SUPT3H: variants seen among roughly 807,000 people sequenced by gnomAD.
The protein encoded by SUPT3H is SPT3 homolog, SAGA and STAGA complex component, also known as transcription initiation protein SPT3 homolog.
A neutral mutation model predicts 44.3 loss-of-function variants in SUPT3H; 44 were observed. That is an observed-to-expected ratio of 0.99 (90% CI 0.78 to 1.28). SUPT3H has a LOEUF of 1.28. Ranked by LOEUF, SUPT3H falls within the 50% of genes most tolerant of loss-of-function variation. The probability of loss-of-function intolerance (pLI) is 0.00; values close to 1 mark genes in which losing one functional copy is unlikely to be tolerated. For missense variants in SUPT3H, 380 were observed against 387.1 expected (o/e 0.98, Z 0.15); for synonymous variants, 124 against 125.6 (o/e 0.99, Z 0.09).
intron 2 of SUPT3H, among the ~76,000 whole-genome samples, chr6:45,238,213 A>G (rs1482119761): frequency 1.3e-5 from 2 of 152,206 alleles, no homozygotes; most frequent in Non-Finnish European, 2.9e-5. Context: ...TACTACTCCA[A>G]TGTTATGATC....
intron 2 of SUPT3H, among the ~76,000 whole-genome samples, chr6:45,357,512 A>T (rs1793460606): frequency 6.6e-6 from 1 of 151,856 alleles, no homozygotes; most frequent in African/African-American, 2.4e-5. Context: ...TTCTGTAGAG[A>T]CAGCGTCTCA....
chr6:45,197,128 C>A (rs777859629), intron 2 of SUPT3H, among the ~76,000 whole-genome samples: 3 of 151,524 alleles, frequency 2.0e-5, no homozygotes, highest in Non-Finnish European at 3.0e-5. Flanking sequence ...ATTAAAATTG[C>A]TACTACATAT....
chr6:44,928,570 C>T (rs1048156843), intron 10 of SUPT3H, among the ~76,000 whole-genome samples: 65 of 151,978 alleles, frequency 4.3e-4, no homozygotes, highest in African/African-American at 1.4e-3. Context: ...CTCTTATCTT[C>T]TGTGTAGGAT....
intron 2 of SUPT3H, among the ~76,000 whole-genome samples, chr6:45,283,697 G>A (rs766488177): frequency 5.9e-5 from 9 of 151,318 alleles, no homozygotes; most frequent in Non-Finnish European, 1.3e-4. Flanking sequence ...AGTTAACAAG[G>A]ATACCCAGGA....
intron 2 of SUPT3H, among the ~76,000 whole-genome samples, chr6:45,128,533 A>AAAAT (rs1554257896): frequency 9.6e-5 from 5 of 52,242 alleles, no homozygotes; most frequent in Non-Finnish European, 1.7e-4. Flanking sequence ...AAAAAAAAAA[A>AAAAT]ATATATATAT....
chr6:44,956,673 T>C (rs904534994), intron 7 of SUPT3H, among the ~76,000 whole-genome samples: 3 of 152,108 alleles, frequency 2.0e-5, no homozygotes, highest in Non-Finnish European at 4.4e-5. Flanking sequence ...AAGCAGCCTT[T>C]AAGATATTTC....
chr6:44,881,434 T>G (rs192994119), intron 10 of SUPT3H, among the ~76,000 whole-genome samples: 52 of 152,248 alleles, frequency 3.4e-4, no homozygotes, highest in Admixed American at 2.9e-3. Context: ...CACACAATAA[T>G]AGTGGGAGAC....
At position 45,213,614 on chromosome 6, in the gene SUPT3H, C is replaced by T. The variant is rs1458765709; in HGVS notation, c.102-107608G>A. Among the ~76,000 whole-genome samples, 3 of 152,124 alleles carry T rather than the reference C, an allele frequency of 2.0e-5. No homozygotes were observed. The East Asian group carries it at 5.8e-4, about 29-fold the overall frequency. On this transcript the variant is annotated intron_variant, in intron 2 of 10. Coordinates refer to ENST00000371459, the MANE Select transcript of SUPT3H (RefSeq NM_003599.4). ...CATAAATCAATTAGGTAATATTAATCATAAGTGACCAATTCTGCTGAAACA... is the reference window on the plus strand; with the variant it reads ...CATAAATCAATTAGGTAATATTAATTATAAGTGACCAATTCTGCTGAAACA...
At chr6:44,924,888 C>T (rs1407657180) in intron 10 of SUPT3H, among the ~76,000 whole-genome samples, 1 of 151,996 alleles carries the variant, frequency 6.6e-6, no homozygotes, top group African/African-American at 2.4e-5. Context: ...CCAATTTCTA[C>T]TTGGTATTTA....
At chr6:44,943,328 A>G (rs1772773001) in intron 9 of SUPT3H, among the ~76,000 whole-genome samples, 1 of 152,132 alleles carries the variant, frequency 6.6e-6, no homozygotes, top group African/African-American at 2.4e-5. Context: ...TCCAATCTGA[A>G]GAACAGAGAG....
intron 2 of SUPT3H, among the ~76,000 whole-genome samples, chr6:45,222,803 T>C (rs1385176739): frequency 6.6e-6 from 1 of 152,106 alleles, no homozygotes; most frequent in Non-Finnish European, 1.5e-5. Flanking sequence ...CAGATGTCCT[T>C]CAATGGGTGA....
At chr6:45,126,724 C>T (rs1404284178) in intron 2 of SUPT3H, among the ~76,000 whole-genome samples, 1 of 152,156 alleles carries the variant, frequency 6.6e-6, no homozygotes, top group Non-Finnish European at 1.5e-5. Flanking sequence ...ATAAAAGATA[C>T]ACACTAAAAA....
intron 2 of SUPT3H, among the ~76,000 whole-genome samples, chr6:45,108,665 G>C (rs1583582401): frequency 2.0e-5 from 3 of 152,224 alleles, no homozygotes; most frequent in Admixed American, 2.0e-4. Context: ...CCTTTAGTAA[G>C]CTAGCACCAC....
In SUPT3H at chr6:44,850,745, CATCTATCT is replaced by C. The variant is rs56936002; in HGVS notation, c.913-20896_913-20889del. Among the ~76,000 whole-genome samples the C allele has an allele frequency of 9.1e-3, 1,347 of 147,550 alleles. 8 individuals are homozygous for C. Among genetic ancestry groups the C allele is most frequent in the East Asian group, 0.03 (151 of 5,020 alleles). ...CTTATTTTGCTTTTGGTTTTATATA[CATCTATCT>C]ATCTATCTATCTATCTATCTATCTA... On this transcript the variant is annotated intron_variant, in intron 10 of 10. Transcript: ENST00000371459.
chr6:45,283,162 A>G (rs1359979946), intron 2 of SUPT3H, among the ~76,000 whole-genome samples: 1 of 152,200 alleles, frequency 6.6e-6, no homozygotes, highest in Non-Finnish European at 1.5e-5. Context: ...CGAGGCTAGG[A>G]AAAAACTGCA....
chr6:45,302,170 T>C (rs1303339503), intron 2 of SUPT3H, among the ~76,000 whole-genome samples: 1 of 152,046 alleles, frequency 6.6e-6, no homozygotes, highest in Non-Finnish European at 1.5e-5. Flanking sequence ...GTAAGTTTTT[T>C]AGTGGTGATT....
chr6:45,316,029 C>T (rs778815122), intron 2 of SUPT3H, among the ~76,000 whole-genome samples: 10 of 152,134 alleles, frequency 6.6e-5, no homozygotes, highest in East Asian at 1.9e-4. Context: ...TTGCAATGAC[C>T]TGGATGAGAT....
At chr6:45,292,496 T>C (rs1780471483) in intron 2 of SUPT3H, among the ~76,000 whole-genome samples, 3 of 152,050 alleles carry the variant, frequency 2.0e-5, no homozygotes, top group Admixed American at 6.5e-5. Context: ...TAATATTGAA[T>C]GTAAATGGCC....
intron 7 of SUPT3H, among the ~76,000 whole-genome samples, chr6:44,955,008 C>G (rs1774895152): frequency 6.6e-6 from 1 of 152,126 alleles, no homozygotes; most frequent in Non-Finnish European, 1.5e-5. Context: ...GAAAATCTTG[C>G]AAGAAAGAAC....
Sources: gnomAD v4.1 joint callset for allele counts (sites outside exome capture counted in the v4.1 genomes callset) on GRCh38, gnomAD v4.1.1 for gene constraint, MANE v1.5 for transcripts, NCBI Gene and HGNC (gene_info 2026-07-23, HGNC 2026-07-21) for gene names.